The following KLF12 variants were observed in gnomAD, a reference collection of about 807,000 sequenced individuals.
KLF12 encodes the protein Krueppel-like factor 12.
In KLF12, 9 loss-of-function variants were observed where a neutral mutation model predicts 37.8. The ratio of observed to expected loss-of-function variants is 0.24; its 90% CI spans 0.14 to 0.42. The LOEUF is 0.42. Ranked by LOEUF, KLF12 falls within the 10% of genes least tolerant of loss-of-function variation. KLF12 has a pLI of 1.00. For synonymous variants in KLF12, 208 were observed against 202.1 expected (o/e 1.03, Z -0.25); for missense variants, 411 against 516.0 (o/e 0.80, Z 1.97).
chr13:73,932,498 C>A (rs1593747767), intron 3 of KLF12, among the ~76,000 whole-genome samples: 2 of 152,126 alleles, frequency 1.3e-5, no homozygotes, highest in Middle Eastern at 3.4e-3. Flanking sequence ...ACAAAAAAAA[C>A]CTGTTGACAT....
intron 1 of KLF12, among the ~76,000 whole-genome samples, chr13:74,009,637 C>G (rs569210016): frequency 2.0e-5 from 3 of 152,218 alleles, no homozygotes; most frequent in Admixed American, 1.3e-4. Context: ...ACTCCAGAAA[C>G]AGCATACTTC....
At chr13:74,177,607 C>G in the KLF12 span, among the ~76,000 whole-genome samples, 1 of 152,066 alleles carries the variant, frequency 6.6e-6, no homozygotes, top group Non-Finnish European at 1.5e-5. Context: ...TAAGAAATGA[C>G]ATGATCATAT....
Position 73,695,412 on chromosome 13 carries a change from T to G in KLF12, c.*78A>C. 1 of 1,386,818 alleles carries G rather than the reference T, an allele frequency of 7.2e-7. No individual in the cohort carries two copies. Among genetic ancestry groups the G allele is most frequent in the Non-Finnish European group, 1.0e-6 (1 of 988,812 alleles). The allele number at this position is 1,386,818 out of a possible 1,614,324, so 85.9% of individuals were successfully genotyped here. On this transcript the variant is annotated 3_prime_UTR_variant, in exon 8 of 8. Transcript: ENST00000377669. Reference sequence around the variant, plus strand: ...GTGATGCCCTTTTGTGTTAACACTGTGAAGGGGATTCAGCCCTGCTGAATT... The same window carrying G: ...GTGATGCCCTTTTGTGTTAACACTGGGAAGGGGATTCAGCCCTGCTGAATT...
chr13:73,994,514 A>C (rs1366697096), intron 2 of KLF12, among the ~76,000 whole-genome samples: 1 of 151,752 alleles, frequency 6.6e-6, no homozygotes, highest in Non-Finnish European at 1.5e-5. Flanking sequence ...TAAGAAACCA[A>C]ATATTAAAGT....
chr13:74,107,324 A>G (rs569029326), intron 1 of KLF12, among the ~76,000 whole-genome samples: 1 of 152,326 alleles, frequency 6.6e-6, no homozygotes, highest in South Asian at 2.1e-4. Context: ...TCGGTTTCTA[A>G]CTATTCTAGG....
At chr13:74,269,943 T>C in the KLF12 span, among the ~76,000 whole-genome samples, 1 of 152,194 alleles carries the variant, frequency 6.6e-6, no homozygotes, top group Admixed American at 6.5e-5. Flanking sequence ...TGCTATCTGC[T>C]GTTTGTGGTA....
At chr13:74,021,381 T>C (rs1048085671) in intron 1 of KLF12, among the ~76,000 whole-genome samples, 3 of 152,192 alleles carry the variant, frequency 2.0e-5, no homozygotes, top group Non-Finnish European at 4.4e-5. Context: ...AAGTTGGCAG[T>C]TGATTGTAAT....
chr13:73,745,019 G>T (rs1284294594), intron 6 of KLF12, among the ~76,000 whole-genome samples: 1 of 152,162 alleles, frequency 6.6e-6, no homozygotes, highest in Non-Finnish European at 1.5e-5. Flanking sequence ...GCCTGCTAAT[G>T]TAATCAGTCA....
In KLF12 at chr13:73,784,643, T is replaced by C. The variant is rs1881200665; in HGVS notation, c.807-19643A>G. ...ACTTCCTCATCTCCTTTTTTTTTTT[T>C]TTTTTGAGAAGGAGTCTCGCTCTGT... On this transcript the variant is annotated intron_variant, in intron 5 of 7. Transcript: ENST00000377669. Among the ~76,000 whole-genome samples the C allele has an allele frequency of 2.0e-5, 3 of 151,158 alleles. No individual in the cohort carries two copies. The South Asian group carries it at 6.4e-4, about 32-fold the overall frequency.
intron 1 of KLF12, among the ~76,000 whole-genome samples, chr13:74,126,333 A>C (rs565992634): frequency 2.4e-4 from 36 of 152,344 alleles, no homozygotes; most frequent in African/African-American, 8.4e-4. Context: ...GCAGAAGTGA[A>C]GGGACCAGAC....
intron 2 of KLF12, among the ~76,000 whole-genome samples, chr13:73,993,189 G>A (rs1180114910): frequency 2.0e-5 from 3 of 152,170 alleles, no homozygotes; most frequent in Admixed American, 6.5e-5. Flanking sequence ...CCGAGATCGC[G>A]CCACTGCATT....
intron 1 of KLF12, among the ~76,000 whole-genome samples, chr13:74,084,336 C>A (rs914166212): frequency 1.3e-5 from 2 of 152,092 alleles, no homozygotes; most frequent in African/African-American, 4.8e-5. Flanking sequence ...CAGCAGAATC[C>A]CACAGATCAT....
intron 1 of KLF12, among the ~76,000 whole-genome samples, chr13:74,047,408 G>A (rs1345060826): frequency 1.3e-5 from 2 of 150,084 alleles, no homozygotes; most frequent in Non-Finnish European, 3.0e-5. Flanking sequence ...TGGCTAACAC[G>A]GCGAAACCCC....
At chr13:73,807,187 T>G (rs1882690049) in intron 5 of KLF12, among the ~76,000 whole-genome samples, 1 of 151,970 alleles carries the variant, frequency 6.6e-6, no homozygotes, top group African/African-American at 2.4e-5. Flanking sequence ...TTATGCTTGT[T>G]AATCCCAGCT....
intron 4 of KLF12, among the ~76,000 whole-genome samples, chr13:73,828,520 C>G (rs1883969804): frequency 6.6e-6 from 1 of 152,132 alleles, no homozygotes; most frequent in Non-Finnish European, 1.5e-5. Flanking sequence ...TTTCCTTTAT[C>G]CTTGACATCC....
chr13:73,777,468 G>A (rs1880680256), intron 5 of KLF12, among the ~76,000 whole-genome samples: 1 of 152,188 alleles, frequency 6.6e-6, no homozygotes, highest in African/African-American at 2.4e-5. Context: ...CAGAAGTTTG[G>A]GAGGCTGAAG....
At chr13:73,721,328 G>T (rs9565035) in intron 6 of KLF12, among the ~76,000 whole-genome samples, 89,263 of 151,808 alleles carry the variant, frequency 0.59, 27,411 homozygotes, top group East Asian at 0.73. Flanking sequence ...TATGATAGAA[G>T]GGGAAAAAGC....
the KLF12 span, among the ~76,000 whole-genome samples, chr13:74,263,730 C>G: frequency 6.6e-6 from 1 of 152,154 alleles, no homozygotes; most frequent in African/African-American, 2.4e-5. Context: ...CAGAGCGAGA[C>G]TCCATCTCAA....
chr13:73,742,829 A>C (rs946099171), intron 6 of KLF12, among the ~76,000 whole-genome samples: 3 of 152,188 alleles, frequency 2.0e-5, no homozygotes, highest in Non-Finnish European at 4.4e-5. Flanking sequence ...TTTTCAAATG[A>C]GAGCTCAGGT....
Sources: allele counts gnomAD v4.1 joint callset (sites outside exome capture counted in the v4.1 genomes callset), GRCh38; gene constraint gnomAD v4.1.1; transcripts MANE v1.5; gene names NCBI Gene and HGNC (gene_info 2026-07-23, HGNC 2026-07-21).